RANBP2: variants seen among roughly 807,000 people sequenced by gnomAD.
The protein encoded by RANBP2 is E3 SUMO-protein ligase RanBP2.
Under a neutral mutation model 303.6 loss-of-function variants are expected in RANBP2, and 57 were observed. That is an observed-to-expected ratio of 0.19 (90% CI 0.15 to 0.23). RANBP2 has a LOEUF of 0.23. RANBP2 is among the 10% of genes least tolerant of loss of function. The pLI is 1.00. For synonymous variants in RANBP2, 1,167 were observed against 1,301.5 expected (o/e 0.90, Z 2.23); for missense variants, 3,138 against 3,780.8 (o/e 0.83, Z 4.46).
chr2:109,054,472 C>T, the RANBP2 span, among the ~76,000 whole-genome samples: 1 of 151,862 alleles, frequency 6.6e-6, no homozygotes, highest in African/African-American at 2.4e-5. Flanking sequence ...TTTGGGAGGC[C>T]GAGGTGGGCA....
the RANBP2 span, among the ~76,000 whole-genome samples, chr2:109,276,179 C>G: frequency 5.3e-5 from 8 of 152,200 alleles, no homozygotes; most frequent in African/African-American, 1.9e-4. Flanking sequence ...AACTTAAGAC[C>G]TGAGAAAACA....
the RANBP2 span, among the ~76,000 whole-genome samples, chr2:109,703,243 C>T: frequency 1.3e-5 from 2 of 152,172 alleles, no homozygotes; most frequent in African/African-American, 4.8e-5. Context: ...GATTCGCCCG[C>T]TGTTGTTATT....
chr2:109,131,937 G>A, the RANBP2 span, among the ~76,000 whole-genome samples: 1 of 152,200 alleles, frequency 6.6e-6, no homozygotes, highest in African/African-American at 2.4e-5. Flanking sequence ...ATACTACCAT[G>A]CTGGGATAAT....
chr2:109,613,644 C>T, the RANBP2 span: 1 of 477,002 alleles, frequency 2.1e-6, no homozygotes, highest in Non-Finnish European at 3.1e-6. Flanking sequence ...AGGCGCCCGG[C>T]CGCCGCGGAA....
the RANBP2 span, among the ~76,000 whole-genome samples, chr2:109,561,609 C>T: frequency 2.6e-5 from 4 of 152,142 alleles, no homozygotes; most frequent in African/African-American, 9.7e-5. Context: ...TGTCTAATAA[C>T]CTACTCAAAC....
At chr2:109,494,389 T>G in the RANBP2 span, among the ~76,000 whole-genome samples, 1 of 152,106 alleles carries the variant, frequency 6.6e-6, no homozygotes, top group Non-Finnish European at 1.5e-5. Context: ...GCCCCAGAAG[T>G]GCCCCCTCCC....
chr2:109,090,536 A>G, the RANBP2 span, among the ~76,000 whole-genome samples: 1 of 152,132 alleles, frequency 6.6e-6, no homozygotes, highest in Non-Finnish European at 1.5e-5. Flanking sequence ...AGACCCTAGG[A>G]GACTCTCCAG....
the RANBP2 span, among the ~76,000 whole-genome samples, chr2:109,352,287 G>C: frequency 6.6e-6 from 1 of 152,136 alleles, no homozygotes. Flanking sequence ...CAGAATACTC[G>C]CAGGAAAGTA....
At chr2:109,615,256 G>A in the RANBP2 span, 1 of 1,560,006 alleles carries the variant, frequency 6.4e-7, no homozygotes. Flanking sequence ...GAGGAGGAGA[G>A]CAGCGGCGGA....
At chr2:109,146,833 A>ACCCTCCCCTC in the RANBP2 span, among the ~76,000 whole-genome samples, 1 of 47,814 alleles carries the variant, frequency 2.1e-5, no homozygotes, top group Non-Finnish European at 3.6e-5. Context: ...CCCCTTCCTA[A>ACCCTCCCCTC]CCCTCCCCTC....
chr2:109,528,067 T>C, the RANBP2 span, among the ~76,000 whole-genome samples: 30,758 of 152,180 alleles, frequency 0.2, 3,662 homozygotes, highest in South Asian at 0.27. Context: ...GGAATGCACC[T>C]GAGGCATCCC....
At chr2:108,783,425 C>T (rs1678398597) in intron 28 of RANBP2, among the ~76,000 whole-genome samples, 171 bp from the exon 29 acceptor site, 1 of 141,718 alleles carries the variant, frequency 7.1e-6, no homozygotes, top group Non-Finnish European at 1.5e-5. Context: ...TTTCATTTTT[C>T]ATCTTCTTTC....
chr2:108,851,221 C>T, the RANBP2 span, among the ~76,000 whole-genome samples: 4 of 152,178 alleles, frequency 2.6e-5, no homozygotes, highest in Non-Finnish European at 4.4e-5. Flanking sequence ...CCCTGGAGCA[C>T]CACGCTCCAG....
chr2:109,690,089 C>A, the RANBP2 span, among the ~76,000 whole-genome samples: 1 of 152,108 alleles, frequency 6.6e-6, no homozygotes, highest in Non-Finnish European at 1.5e-5. Context: ...TACTGTGAAC[C>A]CTGAATGTAT....
At position 108,772,474 on chromosome 2, in the gene RANBP2, CAATT is replaced by C; in HGVS notation, c.8021-14_8021-11del. 1.2e-6 allele frequency: 2 copies of C among 1,601,098 alleles called. No individual in the cohort carries two copies. The highest frequency in any genetic ancestry group is 1.7e-6 in the Non-Finnish European group (2 of 1,168,850). On this transcript the variant is annotated splice_polypyrimidine_tract_variant and intron_variant, in intron 21 of 28. Coordinates refer to ENST00000283195, the MANE Select transcript of RANBP2 (RefSeq NM_006267.5). ...AAAATTAACTAGAAATTCTTTTAAT[CAATT>C]GTATTTTAAGATGAAGATTTCGAAA...
chr2:108,943,324 C>T, the RANBP2 span, among the ~76,000 whole-genome samples: 1 of 152,176 alleles, frequency 6.6e-6, no homozygotes, highest in Non-Finnish European at 1.5e-5. Context: ...AGAGGGGAGG[C>T]TTTCTATCCC....
chr2:109,100,722 G>C, the RANBP2 span, among the ~76,000 whole-genome samples: 1 of 151,790 alleles, frequency 6.6e-6, no homozygotes, highest in Non-Finnish European at 1.5e-5. Context: ...GCTTGAAAAA[G>C]AATTGAAGTT....
chr2:109,411,928 G>C, the RANBP2 span, among the ~76,000 whole-genome samples: 85,899 of 152,128 alleles, frequency 0.56, 24,803 homozygotes, highest in African/African-American at 0.66. Flanking sequence ...AGTGAAGCCG[G>C]CAGAATGTCT....
At chr2:108,894,033 A>G in the RANBP2 span, among the ~76,000 whole-genome samples, 2 of 152,094 alleles carry the variant, frequency 1.3e-5, no homozygotes, top group Non-Finnish European at 2.9e-5. Flanking sequence ...GAGCTGCCCC[A>G]GTTAAGGTAT....
Sources: gnomAD v4.1 joint callset for allele counts (sites outside exome capture counted in the v4.1 genomes callset) on GRCh38, gnomAD v4.1.1 for gene constraint, MANE v1.5 for transcripts, NCBI Gene and HGNC (gene_info 2026-07-23, HGNC 2026-07-21) for gene names.